ATP10A: variants seen among roughly 807,000 people sequenced by gnomAD.
The protein encoded by ATP10A is phospholipid-transporting ATPase VA.
ATP10A carries 111 observed loss-of-function variants against 147.8 expected under a neutral mutation model. That is an observed-to-expected ratio of 0.75 (90% CI 0.64 to 0.88). ATP10A has a LOEUF of 0.88. Among genes scored for constraint, ATP10A ranks in the 40% least tolerant of loss-of-function variants. The pLI is 0.00. For missense variants in ATP10A, 1,927 were observed against 1,959.0 expected, an observed-to-expected ratio of 0.98 and a Z score of 0.31; for synonymous variants, 875 against 841.6, an observed-to-expected ratio of 1.04 and a Z score of -0.69.
chr15:25,726,190 T>A, intron 4 of ATP10A, 108 bp from the exon 5 acceptor site: 1 of 1,309,274 alleles, frequency 7.6e-7, no homozygotes, highest in Non-Finnish European at 1.0e-6. Flanking sequence ...GGTGCTTAGG[T>A]GAGAAGCTTG....
At chr15:25,709,940 C>G (rs867672766) in intron 10 of ATP10A, 6 of 152,368 alleles carry the variant, frequency 3.9e-5, no homozygotes, top group Middle Eastern at 6.8e-3. Context: ...GGGAAGAACT[C>G]AAGCTCCAAG....
At chr15:25,789,839 A>G (rs1890331199) in intron 1 of ATP10A, among the ~76,000 whole-genome samples, 2 of 152,086 alleles carry the variant, frequency 1.3e-5, no homozygotes, top group African/African-American at 2.4e-5. Flanking sequence ...GCCTCCTCCT[A>G]TAGATGCCAG....
downstream of ATP10A, among the ~76,000 whole-genome samples, chr15:25,674,559 A>C (rs1354175924): frequency 6.6e-6 from 1 of 152,228 alleles, no homozygotes; most frequent in Non-Finnish European, 1.5e-5. Context: ...ATAAAAAGAA[A>C]CTTCACAGCT....
chr15:25,789,580 G>GTGTGTGTC (rs1890318452), intron 1 of ATP10A, among the ~76,000 whole-genome samples: 1 of 151,374 alleles, frequency 6.6e-6, no homozygotes, highest in African/African-American at 2.4e-5. Flanking sequence ...GTGTGTGTGT[G>GTGTGTGTC]TGTGTGTGTG....
intron 1 of ATP10A, among the ~76,000 whole-genome samples, chr15:25,842,723 G>A (rs548091274): frequency 1.3e-5 from 2 of 151,926 alleles, no homozygotes; most frequent in Non-Finnish European, 2.9e-5. Flanking sequence ...TAATCAAGCA[G>A]ACTTTTTTTT....
intron 2 of ATP10A, among the ~76,000 whole-genome samples, chr15:25,757,736 T>C (rs1189549991): frequency 3.9e-5 from 6 of 152,352 alleles, no homozygotes; most frequent in Middle Eastern, 3.4e-3. Flanking sequence ...AAATTTCTTT[T>C]CAAAGAATTA....
intron 1 of ATP10A, among the ~76,000 whole-genome samples, chr15:25,795,532 C>T (rs1483501225): frequency 1.3e-5 from 2 of 152,138 alleles, no homozygotes; most frequent in Non-Finnish European, 2.9e-5. Context: ...AACCTAATGC[C>T]ACAGAATGAG....
intron 1 of ATP10A, among the ~76,000 whole-genome samples, chr15:25,832,256 A>G (rs189963327): frequency 1.3e-5 from 2 of 152,366 alleles, no homozygotes; most frequent in East Asian, 3.9e-4. Context: ...TTGAAGCCTC[A>G]GAACTGTAAG....
At chr15:25,812,475 G>T (rs1345098) in intron 1 of ATP10A, among the ~76,000 whole-genome samples, 76,070 of 151,992 alleles carry the variant, frequency 0.5, 20,738 homozygotes, top group East Asian at 0.8. Context: ...TAACAAGGAC[G>T]CCCTAAATAC....
At position 25,695,022 on chromosome 15, in the gene ATP10A, G is replaced by GTGGA; in HGVS notation, c.2881_2884dup (p.Thr962IlefsTer71). ...GGGTCTGCGGCCAGAGGCAGTGGAC[G>GTGGA]TGGAGGGTGGGCAGAGAGAGGAGAA... On this transcript the variant is annotated frameshift_variant, in exon 14 of 21. Coordinates refer to ENST00000555815, the MANE Select transcript of ATP10A (RefSeq NM_024490.4). LOFTEE classifies it high-confidence loss of function. The GTGGA allele has an allele frequency of 6.2e-7, 1 of 1,614,188 alleles. No individual in the cohort carries two copies. Among genetic ancestry groups the GTGGA allele is most frequent in the Non-Finnish European group, 8.5e-7 (1 of 1,180,048 alleles).
intron 3 of ATP10A, among the ~76,000 whole-genome samples, chr15:25,734,555 G>C (rs1365937885): frequency 6.6e-6 from 1 of 152,152 alleles, no homozygotes; most frequent in Non-Finnish European, 1.5e-5. Flanking sequence ...AACTCTTGGG[G>C]CAAGGGATCA....
In ATP10A at chr15:25,680,761, C is replaced by T. The variant is rs191344326; in HGVS notation, c.3678+49G>A. ...ATGAATCTGCAGGGAAGTGTGGGGT[C>T]CACGGCATCAGTGCTCTTCTGAGAC... On this transcript the variant is annotated intron_variant, in intron 19 of 20. Coordinates refer to ENST00000555815, the MANE Select transcript of ATP10A (RefSeq NM_024490.4). 286 of 1,532,454 alleles carry T rather than the reference C, an allele frequency of 1.9e-4. 1 individual carries two copies. In the East Asian group the frequency reaches 6.0e-3, roughly 32 times the overall value. The allele number at this position is 1,532,454 out of a possible 1,614,324, so 94.9% of individuals were successfully genotyped here.
chr15:25,771,089 C>A (rs1250107206), intron 2 of ATP10A, among the ~76,000 whole-genome samples: 1 of 152,124 alleles, frequency 6.6e-6, no homozygotes, highest in African/African-American at 2.4e-5. Context: ...CACCACCAGA[C>A]TCTCTCCCCT....
In ATP10A at chr15:25,810,762, C is replaced by T. The variant is rs73368919; in HGVS notation, c.450-29539G>A. Among the ~76,000 whole-genome samples the T allele has an allele frequency of 3.7e-3, 569 of 152,194 alleles. 4 individuals carry two copies. Among genetic ancestry groups the T allele is most frequent in the African/African-American group, 0.013 (551 of 41,516 alleles). ...TAAAAGCCTCCCACGGAAAATAGCA[C>T]GCCAGGGATTCCAACACGAGGAATC... On this transcript the variant is annotated intron_variant, in intron 1 of 20. Transcript: ENST00000555815.
intron 1 of ATP10A, among the ~76,000 whole-genome samples, chr15:25,783,140 C>T (rs1470126513): frequency 6.6e-6 from 1 of 152,188 alleles, no homozygotes; most frequent in Admixed American, 6.5e-5. Context: ...GGCACCACTG[C>T]ACTCCAGCCT....
chr15:25,752,220 T>C (rs564628218), intron 2 of ATP10A, among the ~76,000 whole-genome samples: 134 of 152,300 alleles, frequency 8.8e-4, no homozygotes, highest in African/African-American at 2.8e-3. Context: ...CCCATGTTCA[T>C]TGAAGCATTA....
intron 1 of ATP10A, among the ~76,000 whole-genome samples, chr15:25,806,108 G>A (rs1596924729): frequency 6.6e-6 from 1 of 152,020 alleles, no homozygotes; most frequent in South Asian, 2.1e-4. Flanking sequence ...TATACATGTG[G>A]TTTTTTTCTA....
In ATP10A at chr15:25,701,956, T is replaced by C; in HGVS notation, c.2720A>G (p.Asp907Gly). 1 of 1,613,230 alleles carries C rather than the reference T, an allele frequency of 6.2e-7. No individual in the cohort carries two copies. The highest frequency in any genetic ancestry group is 8.5e-7 in the Non-Finnish European group (1 of 1,179,620). Residue 907 changes from aspartate (D) to glycine (G), a missense_variant, in exon 13 of 21, where the codon GAC (aspartate) becomes GGC (glycine). Physicochemically the swap from Asp to Gly is moderately conservative, Grantham distance 94. Coordinates refer to ENST00000555815, the MANE Select transcript of ATP10A (RefSeq NM_024490.4). Reference sequence around the variant, plus strand: ...CAGGGTGATGACCTCCTCGTCGTGGTCCAGCAGTTTGCAGGCATATGCAAT... The same window carrying C: ...CAGGGTGATGACCTCCTCGTCGTGGCCCAGCAGTTTGCAGGCATATGCAAT... ...VNIAYACKLL[D>G]HDEEVITLNA...
At position 25,723,936 on chromosome 15, in the gene ATP10A, G is replaced by A. The variant is rs138124007; in HGVS notation, c.1065C>T (p.Val355=). 6.4e-5 allele frequency: 103 copies of A among 1,610,340 alleles called. No homozygotes were observed. The highest frequency in any genetic ancestry group is 2.8e-5 in the Non-Finnish European group (33 of 1,178,788). ...TTAAAAATGAGTAAACTGCAGCTGTGACTGGGGATAAGGAGCTTCCATCAG... is the reference window on the plus strand; with the variant it reads ...TTAAAAATGAGTAAACTGCAGCTGTAACTGGGGATAAGGAGCTTCCATCAG... ...PKSDGSSLSP[V]TAAVYSFLTM... is the part of the protein sequence containing the mutation. Residue 355 remains valine (V), a synonymous_variant, in exon 6 of 21, where the codon GTC becomes GTT. Coordinates refer to ENST00000555815, the MANE Select transcript of ATP10A (RefSeq NM_024490.4).
Sources: allele counts gnomAD v4.1 joint callset (sites outside exome capture counted in the v4.1 genomes callset), GRCh38; gene constraint gnomAD v4.1.1; transcripts MANE v1.5; gene names NCBI Gene and HGNC (gene_info 2026-07-23, HGNC 2026-07-21).